Variants in ARHGAP11B observed in about 807,000 individuals in gnomAD.
The protein encoded by ARHGAP11B is inactive Rho GTPase-activating protein 11B.
In ARHGAP11B, 14 loss-of-function variants were observed where a neutral mutation model predicts 27.6. The ratio of observed to expected loss-of-function variants is 0.51; its 90% CI spans 0.34 to 0.79. ARHGAP11B has a LOEUF of 0.79. Among genes scored for constraint, ARHGAP11B ranks in the 30% least tolerant of loss-of-function variants. ARHGAP11B has a pLI of 0.02. For missense variants in ARHGAP11B, 245 were observed against 320.1 expected (o/e 0.77, Z 1.79); for synonymous variants, 82 against 114.1 (o/e 0.72, Z 1.80).
At chr15:30,648,207 TC>T (rs1336541106) in intron 10 of ARHGAP11B, among the ~76,000 whole-genome samples, 1 of 152,046 alleles carries the variant, frequency 6.6e-6, no homozygotes, top group Non-Finnish European at 1.5e-5. Context: ...TATCTGTCCC[TC>T]ATGTAGCACG....
chr15:30,629,921 A>C lies in ARHGAP11B; in HGVS notation c.130-782A>C, dbSNP rs143164079. On this transcript the variant is annotated intron_variant, in intron 1 of 10. Transcript: ENST00000428041. ...TGAATTTGCCTTTCAGTGCTGTGGA[A>C]AGCGACACATTTTTAAGAGGTTCGA... Among the ~76,000 whole-genome samples the C allele has an allele frequency of 1.3e-3, 192 of 152,216 alleles. 1 individual carries two copies. The highest frequency in any genetic ancestry group is 4.5e-3 in the African/African-American group (185 of 41,560).
At chr15:30,636,465 T>C (rs545794328) in intron 6 of ARHGAP11B, among the ~76,000 whole-genome samples, 2 of 152,170 alleles carry the variant, frequency 1.3e-5, no homozygotes, top group African/African-American at 2.4e-5. Context: ...GGAAATTTAT[T>C]ATCTTTTGAA....
intron 6 of ARHGAP11B, among the ~76,000 whole-genome samples, chr15:30,636,012 G>A (rs2060277654): frequency 6.6e-6 from 1 of 150,614 alleles, no homozygotes; most frequent in South Asian, 2.1e-4. Context: ...TAGGGAAGAA[G>A]TAACCTATGT....
intron 8 of ARHGAP11B, among the ~76,000 whole-genome samples, chr15:30,645,362 T>TTTG (rs1377468790): frequency 6.6e-6 from 1 of 151,704 alleles, no homozygotes; most frequent in Non-Finnish European, 1.5e-5. Context: ...TAGCTAAGGG[T>TTTG]TTGTATCAGT....
rs949721498 is a variant in ARHGAP11B at position 30,644,837 on chromosome 15, G to A, written c.*142+135G>A. On this transcript the variant is annotated intron_variant, in intron 8 of 10. Coordinates refer to ENST00000428041, the Ensembl canonical transcript of ARHGAP11B. The stretch of plus-strand genomic sequence containing the variant: ...TCTTGACAATTGGTTATATTCTTGG[G>A]TCAGTGTTATGTGAATTGTAAGTAA... The A allele has an allele frequency of 1.8e-5, 15 of 846,228 alleles. No homozygotes were observed. The African/African-American group carries it at 2.2e-4, about 13-fold the overall frequency. 52.4% of individuals were successfully genotyped at this position (846,228 alleles called of 1,614,324 possible). A position where few individuals can be genotyped will look rare whatever the true frequency, so the allele number is the denominator to read the frequency against.
intron 7 of ARHGAP11B, chr15:30,644,622 A>G (rs989525658): frequency 1.4e-5 from 21 of 1,529,554 alleles, no homozygotes; most frequent in Non-Finnish European, 1.6e-5. Flanking sequence ...AAAAGGTTTT[A>G]TTTTTTTTAA....
At chr15:30,649,135 A>G (rs2060370668) in exon 11 of ARHGAP11B, 1 of 152,044 alleles carries the variant, frequency 6.6e-6, no homozygotes, top group South Asian at 2.1e-4. Flanking sequence ...CTTGGATACC[A>G]AAATTCACAC....
intron 1 of ARHGAP11B, among the ~76,000 whole-genome samples, 180 bp from the exon 2 acceptor site, chr15:30,630,523 C>A (rs916945691): frequency 6.6e-6 from 1 of 152,072 alleles, no homozygotes; most frequent in Admixed American, 6.6e-5. Context: ...AGCATACTAT[C>A]TAATATAGTA....
intron 8 of ARHGAP11B, among the ~76,000 whole-genome samples, chr15:30,645,680 A>T (rs1282623997): frequency 6.6e-6 from 1 of 152,006 alleles, no homozygotes; most frequent in East Asian, 1.9e-4. Context: ...AGGTGATTTT[A>T]GCTATCATGT....
chr15:30,638,262 T>A (rs2140901725), intron 6 of ARHGAP11B, among the ~76,000 whole-genome samples: 1 of 152,200 alleles, frequency 6.6e-6, no homozygotes, highest in East Asian at 1.9e-4. Flanking sequence ...TCTACCTGTC[T>A]ACTATTTCCT....
intron 7 of ARHGAP11B, chr15:30,644,613 A>G: frequency 6.7e-7 from 1 of 1,492,314 alleles, no homozygotes; most frequent in Non-Finnish European, 9.3e-7. Context: ...AATTGTCTCA[A>G]AAGGTTTTAT....
intron 1 of ARHGAP11B, among the ~76,000 whole-genome samples, chr15:30,629,226 T>C (rs2060228530): frequency 6.6e-6 from 1 of 152,004 alleles, no homozygotes. Context: ...CACTCAGCTG[T>C]TAAGTACAAG....
intron 9 of ARHGAP11B, among the ~76,000 whole-genome samples, chr15:30,647,379 G>C (rs2060357000): frequency 6.6e-6 from 1 of 151,884 alleles, no homozygotes; most frequent in East Asian, 1.9e-4. Flanking sequence ...TTGCTCCCAG[G>C]ATAGTATTAA....
At chr15:30,629,028 C>A (rs1017339885) in intron 1 of ARHGAP11B, among the ~76,000 whole-genome samples, 1 of 152,090 alleles carries the variant, frequency 6.6e-6, no homozygotes, top group African/African-American at 2.4e-5. Context: ...CCCATACTAA[C>A]ATTTTTTTAA....
At chr15:30,627,873 G>C (rs1447799573) in intron 1 of ARHGAP11B, among the ~76,000 whole-genome samples, 1 of 151,948 alleles carries the variant, frequency 6.6e-6, no homozygotes, top group South Asian at 2.1e-4. Flanking sequence ...AGTAATATGT[G>C]TGTCTCTTAA....
At chr15:30,644,790 G>T in intron 8 of ARHGAP11B, 1 of 1,112,982 alleles carries the variant, frequency 9.0e-7, no homozygotes, top group Non-Finnish European at 1.4e-6. Flanking sequence ...ATATTTGTAT[G>T]TGAATAACTA....
rs2060262842 is a variant in ARHGAP11B, at chr15:30,634,056, A to C, written c.298-114A>C. On this transcript the variant is annotated intron_variant, in intron 3 of 10. Coordinates refer to ENST00000428041, the Ensembl canonical transcript of ARHGAP11B. ...TAAAGTAGTGACATATATTAAAATA[A>C]GAGTTAAGAGAAATTTATTAAAGAA... is the stretch of plus-strand genomic sequence containing the variant. 6.1e-6 allele frequency: 6 copies of C among 981,730 alleles called. No individual in the cohort carries two copies. In the East Asian group the frequency reaches 1.6e-4, roughly 26 times the overall value. The allele number at this position is 981,730 out of a possible 1,614,324, so 60.8% of individuals were successfully genotyped here.
intron 4 of ARHGAP11B, 121 bp from the exon 5 acceptor site, chr15:30,634,959 G>A (rs2060269559): frequency 2.0e-6 from 2 of 1,012,216 alleles, no homozygotes; most frequent in Admixed American, 2.3e-5. Flanking sequence ...TAGATGAAGG[G>A]TAACTATTTT....
intron 8 of ARHGAP11B, among the ~76,000 whole-genome samples, chr15:30,645,623 C>T (rs1472212015): frequency 1.3e-5 from 2 of 152,038 alleles, no homozygotes; most frequent in Non-Finnish European, 2.9e-5. Context: ...TATCACATTT[C>T]CTAGATTTTG....
Sources: gnomAD v4.1 joint callset for allele counts (sites outside exome capture counted in the v4.1 genomes callset) on GRCh38, gnomAD v4.1.1 for gene constraint, MANE v1.5 for transcripts, NCBI Gene and HGNC (gene_info 2026-07-23, HGNC 2026-07-21) for gene names.